Variants in NBPF14 observed in about 807,000 individuals in gnomAD.
NBPF14 encodes NBPF family member NBPF14.
A neutral mutation model predicts 91.2 loss-of-function variants in NBPF14; 104 were observed. That is an observed-to-expected ratio of 1.14 (90% CI 0.97 to 1.34). NBPF14 has a LOEUF of 1.34. NBPF14 is among the 40% of genes most tolerant of loss of function. NBPF14 has a pLI of 0.00. For synonymous variants in NBPF14, 294 were observed against 303.8 expected (o/e 0.97, Z 0.34); for missense variants, 908 against 783.0 (o/e 1.16, Z -1.91).
intron 5 of NBPF14, among the ~76,000 whole-genome samples, 170 bp downstream of exon 5, chr1:148,591,262 T>A (rs1483157390): frequency 6.7e-6 from 1 of 148,600 alleles, no homozygotes; most frequent in East Asian, 1.9e-4. Context: ...TTGGCACACA[T>A]AGAGAAACAC....
In NBPF14 at chr1:148,559,983, A is replaced by C. The variant is rs1397350813; in HGVS notation, c.4557-18T>G. The stretch of plus-strand genomic sequence containing the variant: ...TGCTGAGCCTGGAAAAGTGGAAAAA[A>C]GTAAAGAATAAGCCAGGGGGAATCA... On this transcript the variant is annotated intron_variant, in intron 36 of 70. Coordinates refer to ENST00000619423, the Ensembl canonical transcript of NBPF14. The C allele has an allele frequency of 2.0e-5, 24 of 1,193,030 alleles. No homozygotes were observed. Among genetic ancestry groups the C allele is most frequent in the Non-Finnish European group, 2.8e-5 (23 of 830,834 alleles). The allele number at this position is 1,193,030 out of a possible 1,614,324, so 73.9% of individuals were successfully genotyped here. A position where few individuals can be genotyped will look rare whatever the true frequency, so the allele number is the denominator to read the frequency against.
intron 37 of NBPF14, 75 bp downstream of exon 37, chr1:148,559,718 G>A (rs1293928385): frequency 1.4e-5 from 11 of 786,306 alleles, no homozygotes; most frequent in African/African-American, 2.6e-5. Flanking sequence ...CTCAGTAAGG[G>A]CCACTTGCAG....
In NBPF14 at chr1:148,534,993, G is replaced by C. The variant is rs1284910523; in HGVS notation, c.8442-137C>G. 23 of 713,548 alleles carry C rather than the reference G, an allele frequency of 3.2e-5. 1 individual carries two copies. Among genetic ancestry groups the C allele is most frequent in the South Asian group, 2.9e-5 (2 of 67,922 alleles). The allele number at this position is 713,548 out of a possible 1,614,324, so 44.2% of individuals were successfully genotyped here. ...TCCATTAATGAGGTAACGAATTATT[G>C]CCTTTATGTTGGGATAGACCAGGGC... On this transcript the variant is annotated intron_variant, in intron 68 of 70. Transcript: ENST00000619423.
At chr1:148,559,500 G>C (rs1299098901) in intron 37 of NBPF14, among the ~76,000 whole-genome samples, 4 of 125,822 alleles carry the variant, frequency 3.2e-5, no homozygotes, top group Non-Finnish European at 6.2e-5. Context: ...CTACAAAATT[G>C]AGACAAAATC....
At position 148,559,792 on chromosome 1, in the gene NBPF14, C is replaced by A. The variant is rs1399727665; in HGVS notation, c.4729+1G>T. ...TATCACCTTCATAGAAAGGTACTCA[C>A]CATCCATGTCAACAGCCAAGCCAAC... is the stretch of plus-strand genomic sequence containing the variant. On this transcript the variant is annotated splice_donor_variant, in intron 37 of 70. Transcript: ENST00000619423. LOFTEE classifies it high-confidence loss of function. 7.4e-6 allele frequency: 11 copies of A among 1,495,578 alleles called. 1 individual carries two copies. The highest frequency in any genetic ancestry group is 5.0e-5 in the East Asian group (2 of 40,180). The allele number at this position is 1,495,578 out of a possible 1,614,324, so 92.6% of individuals were successfully genotyped here.
At chr1:148,566,400 G>T (rs1247849255) in intron 28 of NBPF14, 85 bp from the exon 29 acceptor site, 1 of 636,574 alleles carries the variant, frequency 1.6e-6, no homozygotes, top group Non-Finnish European at 2.8e-6. Context: ...GTAGCATAGG[G>T]AAGTGGTTAA....
chr1:148,587,463 G>A lies in NBPF14; in HGVS notation c.989-60C>T. 3 of 1,496,672 alleles carry A rather than the reference G, an allele frequency of 2.0e-6. 1 individual carries two copies. Among genetic ancestry groups the A allele is most frequent in the South Asian group, 1.2e-5 (1 of 86,658 alleles). 92.7% of individuals were successfully genotyped at this position (1,496,672 alleles called of 1,614,324 possible). A position where few individuals can be genotyped will look rare whatever the true frequency, so the allele number is the denominator to read the frequency against. On this transcript the variant is annotated intron_variant, in intron 7 of 70. Transcript: ENST00000619423. ...GGCTGGACATGCTGCTGTGGTCATT[G>A]CCTACAGGACAGGAGCCAGGTCCAT...
chr1:148,561,927 A>C (rs1657884535), intron 34 of NBPF14, among the ~76,000 whole-genome samples: 3 of 123,938 alleles, frequency 2.4e-5, no homozygotes, highest in Admixed American at 2.3e-4. Flanking sequence ...CAGGACACAC[A>C]GCATACAGGG....
chr1:148,533,721 C>A (rs1306860753), intron 70 of NBPF14, 140 bp downstream of exon 70: 11 of 725,630 alleles, frequency 1.5e-5, no homozygotes, highest in African/African-American at 5.2e-5. Context: ...ACATCTACTG[C>A]AATGAAAACC....
intron 36 of NBPF14, among the ~76,000 whole-genome samples, 190 bp from the exon 37 acceptor site, chr1:148,560,155 C>G (rs1399859925): frequency 6.6e-6 from 1 of 151,138 alleles, no homozygotes; most frequent in South Asian, 2.1e-4. Context: ...AAGAGAAAGA[C>G]AGAGAGAGAG....
chr1:148,535,420 C>T, intron 68 of NBPF14, 33 bp downstream of exon 68: 2 of 497,668 alleles, frequency 4.0e-6, no homozygotes, highest in South Asian at 2.0e-5. Flanking sequence ...GGTGTCAACA[C>T]AGAATTAAGC....
intron 20 of NBPF14, 133 bp from the exon 21 acceptor site, chr1:148,572,748 T>A: frequency 3.6e-6 from 2 of 558,180 alleles, no homozygotes; most frequent in Non-Finnish European, 6.2e-6. Context: ...GGTAACAAAT[T>A]ATTGCCTTTA....
chr1:148,533,310 C>G, intron 70 of NBPF14, 62 bp from the exon 71 acceptor site: 1 of 499,232 alleles, frequency 2.0e-6, no homozygotes, highest in South Asian at 2.2e-5. Flanking sequence ...AGAGCCCCAG[C>G]TAGATTTCAG....
chr1:148,536,015 C>T (rs1655136083), intron 67 of NBPF14, among the ~76,000 whole-genome samples: 1 of 150,410 alleles, frequency 6.6e-6, no homozygotes, highest in African/African-American at 2.4e-5. Flanking sequence ...ACAGGCATGG[C>T]CTGAGACTAG....
exon 8 of NBPF14, chr1:148,587,394 T>C: frequency 6.3e-7 from 1 of 1,578,662 alleles, no homozygotes; most frequent in Non-Finnish European, 8.6e-7. Context: ...GTCTTTGCAC[T>C]CTTCATATTC....
At chr1:148,583,904 T>C (rs1303915317) in intron 11 of NBPF14, among the ~76,000 whole-genome samples, 1 of 108,184 alleles carries the variant, frequency 9.2e-6, no homozygotes, top group East Asian at 3.2e-4. Context: ...CAAAGAAACA[T>C]TGGATCAGCC....
chr1:148,534,588 C>A, intron 69 of NBPF14, 96 bp downstream of exon 69: 1 of 850,564 alleles, frequency 1.2e-6, no homozygotes, highest in Non-Finnish European at 2.0e-6. Flanking sequence ...GCGGCAATGA[C>A]ATCTCTCGGG....
intron 69 of NBPF14, 27 bp downstream of exon 69, chr1:148,534,657 T>G (rs1168989032): frequency 4.7e-6 from 4 of 845,750 alleles, no homozygotes; most frequent in South Asian, 4.0e-5. Context: ...AGGTGGAGGC[T>G]TATCACCTTC....
exon 4 of NBPF14, chr1:148,592,698 C>A (rs2149584955): frequency 6.3e-7 from 1 of 1,588,328 alleles, no homozygotes; most frequent in African/African-American, 1.4e-5. Context: ...GGCATCTCTC[C>A]CTTCCCGTAA....
Sources: gnomAD v4.1 joint callset for allele counts (sites outside exome capture counted in the v4.1 genomes callset) on GRCh38, gnomAD v4.1.1 for gene constraint, MANE v1.5 for transcripts, NCBI Gene and HGNC (gene_info 2026-07-23, HGNC 2026-07-21) for gene names.